SYCP2: variants seen among roughly 807,000 people sequenced by gnomAD.
SYCP2 encodes the protein synaptonemal complex lateral element protein.
SYCP2 carries 55 observed loss-of-function variants against 211.3 expected under a neutral mutation model. That is an observed-to-expected ratio of 0.26 (90% CI 0.21 to 0.33). SYCP2 has a LOEUF of 0.33. SYCP2 is among the 10% of genes least tolerant of loss of function. The pLI, the probability that SYCP2 is intolerant of heterozygous loss-of-function variation, is 1.00. For synonymous variants in SYCP2, 570 were observed against 555.2 expected (o/e 1.03, Z -0.37); for missense variants, 1,731 against 1,752.0 (o/e 0.99, Z 0.21).
chr20:59,890,906 CTAAGA>C (rs2059893888), intron 24 of SYCP2, among the ~76,000 whole-genome samples: 2 of 151,232 alleles, frequency 1.3e-5, no homozygotes, highest in South Asian at 2.1e-4. Flanking sequence ...TAAATAGCAG[CTAAGA>C]TGAGAAAGAG....
chr20:59,900,846 A>G, intron 16 of SYCP2, 28 bp from the exon 17 acceptor site: 1 of 1,443,256 alleles, frequency 6.9e-7, no homozygotes, highest in Non-Finnish European at 9.7e-7. Flanking sequence ...CACAGTGATG[A>G]CATTTTCTTC....
rs1335417515 is a variant in SYCP2, at chr20:59,917,450, T to G, written c.428-879A>C. The stretch of plus-strand genomic sequence containing the variant: ...CAAATGTACAGTTTTCCAAAGTGAC[T>G]GCATAAAAAGAAAAAAGTACTCAGA... On this transcript the variant is annotated intron_variant, in intron 7 of 44. Transcript: ENST00000357552. Among the ~76,000 whole-genome samples the G allele has an allele frequency of 5.3e-5, 8 of 152,184 alleles. No individual in the cohort carries two copies. In the East Asian group the frequency reaches 1.5e-3, roughly 29 times the overall value.
intron 33 of SYCP2, 83 bp downstream of exon 33, chr20:59,877,302 G>A (rs2059580549): frequency 1.0e-6 from 1 of 954,540 alleles, no homozygotes; most frequent in African/African-American, 1.7e-5. Context: ...GAAGTAACAG[G>A]ATAAATTTGA....
intron 26 of SYCP2, among the ~76,000 whole-genome samples, chr20:59,884,658 G>A (rs2059751685): frequency 6.6e-6 from 1 of 151,976 alleles, no homozygotes; most frequent in Admixed American, 6.6e-5. Context: ...TTCCCAGTAT[G>A]ATTTTTACCA....
chr20:59,882,360 A>G (rs976007605), intron 26 of SYCP2, among the ~76,000 whole-genome samples, 195 bp from the exon 27 acceptor site: 8 of 152,156 alleles, frequency 5.3e-5, no homozygotes, highest in African/African-American at 1.9e-4. Flanking sequence ...TGGAACGCAA[A>G]TGGTGGTACA....
chr20:59,917,303 C>T (rs1164103952), intron 7 of SYCP2, among the ~76,000 whole-genome samples: 3 of 152,090 alleles, frequency 2.0e-5, no homozygotes, highest in East Asian at 3.9e-4. Flanking sequence ...GCCCCTTTTA[C>T]GTTAACGCAT....
At chr20:59,890,566 A>G (rs1356608886) in intron 24 of SYCP2, among the ~76,000 whole-genome samples, 1 of 151,104 alleles carries the variant, frequency 6.6e-6, no homozygotes, top group Non-Finnish European at 1.5e-5. Context: ...AAATAGGTAG[A>G]TAGGTAGGTA....
intron 2 of SYCP2, among the ~76,000 whole-genome samples, chr20:59,930,481 A>G (rs1479833031): frequency 6.6e-6 from 1 of 152,234 alleles, no homozygotes; most frequent in Non-Finnish European, 1.5e-5. Flanking sequence ...CTACTTCTTA[A>G]CAGTGCCAAA....
intron 31 of SYCP2, 83 bp from the exon 32 acceptor site, chr20:59,878,128 T>C: frequency 1.1e-6 from 1 of 950,040 alleles, no homozygotes; most frequent in Non-Finnish European, 1.6e-6. Context: ...TTCAGCATAT[T>C]TAAATTAAAA....
At chr20:59,872,870 C>T (rs1004980984) in intron 35 of SYCP2, among the ~76,000 whole-genome samples, 1 of 152,054 alleles carries the variant, frequency 6.6e-6, no homozygotes, top group East Asian at 1.9e-4. Context: ...ACAAAAATTA[C>T]AAGTTGACAA....
intron 1 of SYCP2, among the ~76,000 whole-genome samples, chr20:59,933,057 C>A (rs1402732997): frequency 6.6e-6 from 1 of 152,034 alleles, no homozygotes; most frequent in Non-Finnish European, 1.5e-5. Flanking sequence ...GAGATGCGCC[C>A]CAGGCCGCAG....
intron 2 of SYCP2, among the ~76,000 whole-genome samples, chr20:59,927,659 A>G (rs910506039): frequency 6.6e-6 from 1 of 152,182 alleles, no homozygotes; most frequent in African/African-American, 2.4e-5. Context: ...AGGAAATGTT[A>G]GAGAGAAATA....
Position 59,933,551 on chromosome 20 carries a change from G to C in SYCP2, c.-140+18C>G, listed in dbSNP as rs1206880427. The C allele has an allele frequency of 6.6e-6, 1 of 152,146 alleles. No homozygotes were observed. Among genetic ancestry groups the C allele is most frequent in the Non-Finnish European group, 1.5e-5 (1 of 68,084 alleles). 9.4% of individuals were successfully genotyped at this position (152,146 alleles called of 1,614,324 possible). On this transcript the variant is annotated intron_variant, in intron 1 of 44. Coordinates refer to ENST00000357552, the MANE Select transcript of SYCP2 (RefSeq NM_014258.4). The stretch of plus-strand genomic sequence containing the variant: ...CCCGCCGTGGGGGAAGCCCACCCAG[G>C]CACTCTGCTCAACCTGCCTGCGGCA...
At position 59,863,810 on chromosome 20, in the gene SYCP2, A is replaced by G. The variant is rs1419152799; in HGVS notation, c.*501T>C. 1 of 151,978 alleles carries G rather than the reference A, an allele frequency of 6.6e-6. No homozygotes were observed. Among genetic ancestry groups the G allele is most frequent in the African/African-American group, 2.4e-5 (1 of 41,424 alleles). 9.4% of individuals were successfully genotyped at this position (151,978 alleles called of 1,614,324 possible). A position where few individuals can be genotyped will look rare whatever the true frequency, so the allele number is the denominator to read the frequency against. ...AATACATTAGAGCCATATCTGAATA[A>G]ATGTTTCCAACAGTGTGCTGAAAGT... On this transcript the variant is annotated 3_prime_UTR_variant, in exon 45 of 45. Transcript: ENST00000357552.
At chr20:59,876,411 A>AAAAAAAAAAG (rs71183188) in intron 33 of SYCP2, among the ~76,000 whole-genome samples, 2 of 139,586 alleles carry the variant, frequency 1.4e-5, no homozygotes, top group Non-Finnish European at 3.1e-5. Context: ...AAAAAAAAAA[A>AAAAAAAAAAG]GAAGAAGTGA....
rs1315549857 is a variant in SYCP2 at position 59,888,726 on chromosome 20, A to G, written c.2365-1892T>C. Among the ~76,000 whole-genome samples, 3 of 151,566 alleles carry G rather than the reference A, an allele frequency of 2.0e-5. No individual in the cohort carries two copies. The South Asian group carries it at 6.2e-4, about 31-fold the overall frequency. On this transcript the variant is annotated intron_variant, in intron 24 of 44. Coordinates refer to ENST00000357552, the MANE Select transcript of SYCP2 (RefSeq NM_014258.4). ...AAATAAAACTCTTTGTTCACAAATG[A>G]CCTGTCTGTAGAAAATCTCAAAGAA...
Position 59,886,795 on chromosome 20 carries a change from C to G in SYCP2, c.2404G>C (p.Glu802Gln). The G allele has an allele frequency of 6.3e-7, 1 of 1,590,490 alleles. No homozygotes were observed. The highest frequency in any genetic ancestry group is 8.5e-7 in the Non-Finnish European group (1 of 1,172,586). Residue 802 changes from glutamate to glutamine, a missense_variant, in exon 25 of 45, where the codon GAA becomes CAA. Coordinates refer to ENST00000357552, the MANE Select transcript of SYCP2 (RefSeq NM_014258.4). ...TTATTGATTTGGCTTATCAAGGATT[C>G]TGCTACATTGGTAAATTCTTTCCCT... ...SKGKEFTNVAESLISQINKRY... is the reference protein window; with the variant it reads ...SKGKEFTNVAQSLISQINKRY...
chr20:59,883,745 A>C (rs2059731043), intron 26 of SYCP2, among the ~76,000 whole-genome samples: 1 of 152,052 alleles, frequency 6.6e-6, no homozygotes. Context: ...AAAGTTGCAG[A>C]TATGTAGGAT....
intron 26 of SYCP2, among the ~76,000 whole-genome samples, chr20:59,883,792 T>C (rs557036787): frequency 1.3e-5 from 2 of 152,162 alleles, no homozygotes; most frequent in African/African-American, 4.8e-5. Context: ...ACATGAGGAC[T>C]ATTAATAGTA....
Sources: allele counts gnomAD v4.1 joint callset (sites outside exome capture counted in the v4.1 genomes callset), GRCh38; gene constraint gnomAD v4.1.1; transcripts MANE v1.5; gene names NCBI Gene and HGNC (gene_info 2026-07-23, HGNC 2026-07-21).